KRT37: variants seen among roughly 807,000 people sequenced by gnomAD.
KRT37 encodes keratin 37.
In KRT37, 38 loss-of-function variants were observed where a neutral mutation model predicts 41.9. The ratio of observed to expected loss-of-function variants is 0.91; its 90% confidence interval spans 0.70 to 1.19. KRT37 has a LOEUF of 1.19. Ranked by LOEUF, KRT37 falls within the 50% of genes most tolerant of loss-of-function variation. KRT37 has a pLI of 0.00. For missense variants in KRT37, 580 were observed against 575.5 expected, an observed-to-expected ratio of 1.01 and a Z score of -0.08; for synonymous variants, 252 against 243.4, an observed-to-expected ratio of 1.04 and a Z score of -0.33.
intron 6 of KRT37, among the ~76,000 whole-genome samples, 180 bp downstream of exon 6, chr17:41,421,187 G>C (rs1022282979): frequency 1.3e-5 from 2 of 152,216 alleles, no homozygotes; most frequent in African/African-American, 4.8e-5. Context: ...CTATCATTTA[G>C]AGAACATTTT....
At position 41,424,243 on chromosome 17, in the gene KRT37, G is replaced by A; in HGVS notation, c.281C>T (p.Ala94Val). Residue 94 changes from alanine to valine, a missense_variant, in exon 1 of 7, where the codon GCC becomes GTC. Coordinates refer to ENST00000225550, the MANE Select transcript of KRT37 (RefSeq NM_003770.5). ...GCCATTCAGGGTGTTTTTGCCGTAG[G>A]CCCCACAGATTCCGATGTTGCCGGG... The part of the protein sequence containing the change: ...HIPGNIGICG[A>V]YGKNTLNGHE... 2.5e-6 allele frequency: 4 copies of A among 1,614,176 alleles called. No homozygotes were observed. Among genetic ancestry groups the A allele is most frequent in the Non-Finnish European group, 3.4e-6 (4 of 1,180,042 alleles).
chr17:41,423,348 T>G, intron 2 of KRT37: 1 of 238,856 alleles, frequency 4.2e-6, no homozygotes, highest in Non-Finnish European at 8.0e-6. Context: ...TTCCCCTTCA[T>G]TCAAGCACAA....
rs2018530947 is a variant in KRT37, at chr17:41,420,942, C to G, written c.1286G>C (p.Cys429Ser). Residue 429 changes from cysteine (C) to serine (S), a missense_variant, in exon 7 of 7, where the codon TGT becomes TCT. By Grantham distance (112) the Cys-to-Ser change is moderately radical. Coordinates refer to ENST00000225550, the MANE Select transcript of KRT37 (RefSeq NM_003770.5). ...ACCGGTGACAGGGCCACAGCTTGGACAAGAAGTACAGGAGGCAGGCGTGGA... is the reference window on the plus strand; with the variant it reads ...ACCGGTGACAGGGCCACAGCTTGGAGAAGAAGTACAGGAGGCAGGCGTGGA... ...PCSTPASCTS[C>S]PSCGPVTGGS... 6.2e-7 allele frequency: 1 copy of G among 1,613,920 alleles called. No individual in the cohort carries two copies. Among genetic ancestry groups the G allele is most frequent in the Non-Finnish European group, 8.5e-7 (1 of 1,179,988 alleles).
At position 41,424,239 on chromosome 17, in the gene KRT37, G is replaced by T. The variant is rs146872723; in HGVS notation, c.285C>A (p.Tyr95Ter). 1.9e-6 allele frequency: 3 copies of T among 1,614,080 alleles called. No individual in the cohort carries two copies. The African/African-American group carries it at 4.0e-5, about 22-fold the overall frequency. The change falls in exon 1 of 7, where the codon TAC (tyrosine) becomes TAA (stop). Residue 95 changes from tyrosine to a stop codon, truncating the protein, a stop_gained. Coordinates refer to ENST00000225550, the MANE Select transcript of KRT37 (RefSeq NM_003770.5). LOFTEE classifies it high-confidence loss of function. ...CATGGCCATTCAGGGTGTTTTTGCCGTAGGCCCCACAGATTCCGATGTTGC... is the reference window on the plus strand; with the variant it reads ...CATGGCCATTCAGGGTGTTTTTGCCTTAGGCCCCACAGATTCCGATGTTGC... ...IPGNIGICGA[Y>*]GKNTLNGHEK...
chr17:41,422,302 G>A lies in KRT37; in HGVS notation c.865C>T (p.Gln289Ter), dbSNP rs1340454839. The stretch of plus-strand genomic sequence containing the variant: ...GCTTGGAACCACTGTTCCACATCCT[G>A]GTGGTTGGTCTCCACCATGGCCTCG... ...QYEAMVETNH[Q>*]DVEQWFQAQS... The change falls in exon 4 of 7, where the codon CAG (glutamine) becomes TAG (stop). Residue 289 changes from glutamine to a stop codon, truncating the protein, a stop_gained. Transcript: ENST00000225550. LOFTEE classifies it high-confidence loss of function. The A allele has an allele frequency of 6.2e-7, 1 of 1,614,148 alleles. No homozygotes were observed.
At chr17:41,423,382 T>A (rs1193806535) in intron 2 of KRT37, 1 of 245,124 alleles carries the variant, frequency 4.1e-6, no homozygotes, top group East Asian at 8.5e-5. Context: ...GGAGCTTCAA[T>A]GACAATTCCT....
At chr17:41,422,638 C>A (rs2018556823) in intron 3 of KRT37, 140 bp downstream of exon 3, 9 of 1,224,188 alleles carry the variant, frequency 7.4e-6, no homozygotes, top group Non-Finnish European at 6.7e-6. Context: ...TCCACAGAGG[C>A]CCTCTGGACC....
At position 41,422,363 on chromosome 17, in the gene KRT37, G is replaced by T. The variant is rs763387623; in HGVS notation, c.804C>A (p.Asp268Glu). 1.7e-5 allele frequency: 27 copies of T among 1,614,074 alleles called. No individual in the cohort carries two copies. The South Asian group carries it at 2.6e-4, about 16-fold the overall frequency. ...GCATCTCCCCCAACACCCTGTTCAG[G>T]TCAATGGTGGGCTCAATGTCCAGCT... ...RIELDIEPTI[D>E]LNRVLGEMRA... Residue 268 changes from aspartate to glutamate, a missense_variant, in exon 4 of 7, where the codon GAC becomes GAA. Transcript: ENST00000225550.
chr17:41,422,343 T>TC lies in KRT37; in HGVS notation c.823dup (p.Glu275GlyfsTer26). On this transcript the variant is annotated frameshift_variant, in exon 4 of 7. Transcript: ENST00000225550. LOFTEE classifies it high-confidence loss of function. ...CATGGCCTCGTACTGAGCCCGCATC[T>TC]CCCCCAACACCCTGTTCAGGTCAAT... The TC allele has an allele frequency of 6.2e-7, 1 of 1,613,936 alleles. No homozygotes were observed. The highest frequency in any genetic ancestry group is 8.5e-7 in the Non-Finnish European group (1 of 1,179,976).
Position 41,421,112 on chromosome 17 carries a change from A to G in KRT37, c.1242-126T>C, listed in dbSNP as rs1597719343. ...CACAGACCAGAGAATCTATACCAAC[A>G]GTTCTCTCATCTGTGTCTTTCTACA... On this transcript the variant is annotated intron_variant, in intron 6 of 6. Coordinates refer to ENST00000225550, the MANE Select transcript of KRT37 (RefSeq NM_003770.5). 10 of 791,470 alleles carry G rather than the reference A, an allele frequency of 1.3e-5. No homozygotes were observed. In the East Asian group the frequency reaches 2.6e-4, roughly 21 times the overall value. 49.0% of individuals were successfully genotyped at this position (791,470 alleles called of 1,614,324 possible).
chr17:41,422,457 C>T, intron 3 of KRT37, 23 bp from the exon 4 acceptor site: 2 of 1,612,828 alleles, frequency 1.2e-6, no homozygotes, highest in Non-Finnish European at 1.7e-6. Flanking sequence ...AAGCGATAGA[C>T]AGCCTGCGTA....
intron 6 of KRT37, 93 bp from the exon 7 acceptor site, chr17:41,421,079 A>T (rs867950662): frequency 1.1e-6 from 1 of 940,372 alleles, no homozygotes; most frequent in African/African-American, 1.6e-5. Flanking sequence ...CCTGCCACCA[A>T]CAAGGCACAC....
intron 2 of KRT37, chr17:41,423,256 A>G: frequency 3.1e-6 from 1 of 320,604 alleles, no homozygotes; most frequent in Non-Finnish European, 5.6e-6. Context: ...GCCAGGAAAA[A>G]GAATGGCTAA....
At chr17:41,423,740 G>T (rs1567691163) in intron 2 of KRT37, 22 bp downstream of exon 2, 2 of 1,608,834 alleles carry the variant, frequency 1.2e-6, no homozygotes, top group South Asian at 2.2e-5. Flanking sequence ...AAGTCACACT[G>T]ACCCTCCTCA....
At chr17:41,423,884 T>C in intron 1 of KRT37, 40 bp from the exon 2 acceptor site, 3 of 1,610,912 alleles carry the variant, frequency 1.9e-6, no homozygotes, top group Non-Finnish European at 2.5e-6. Context: ...CAAAGCACCA[T>C]ACTCTAAGCT....
At chr17:41,423,904 T>A (rs2018576705) in intron 1 of KRT37, 60 bp from the exon 2 acceptor site, 1 of 1,606,916 alleles carries the variant, frequency 6.2e-7, no homozygotes, top group Non-Finnish European at 8.5e-7. Flanking sequence ...TCCCACTCCA[T>A]GTGTGGTATT....
At chr17:41,421,945 G>C in intron 5 of KRT37, 124 bp downstream of exon 5, 1 of 1,509,820 alleles carries the variant, frequency 6.6e-7, no homozygotes. Flanking sequence ...CGTCTCCATC[G>C]GGTATAGAGG....
At chr17:41,422,563 G>T in intron 3 of KRT37, 129 bp from the exon 4 acceptor site, 1 of 1,386,410 alleles carries the variant, frequency 7.2e-7, no homozygotes, top group Non-Finnish European at 9.9e-7. Context: ...GGAAAGTCTT[G>T]TCCAGAGTGC....
chr17:41,423,260 T>C (rs970235725), intron 2 of KRT37: 1 of 313,166 alleles, frequency 3.2e-6, no homozygotes, highest in African/African-American at 2.1e-5. Context: ...GGAAAAAGAA[T>C]GGCTAAAAAT....
Sources: allele counts gnomAD v4.1 joint callset (sites outside exome capture counted in the v4.1 genomes callset), GRCh38; gene constraint gnomAD v4.1.1; transcripts MANE v1.5; gene names NCBI Gene and HGNC (gene_info 2026-07-23, HGNC 2026-07-21).